CCKBR: variants seen among roughly 807,000 people sequenced by gnomAD.
CCKBR encodes the protein cholecystokinin B receptor, also known as gastrin/cholecystokinin type B receptor.
Under a neutral mutation model 34.6 loss-of-function variants are expected in CCKBR, and 33 were observed. The ratio of observed to expected loss-of-function variants is 0.95; its 90% CI spans 0.72 to 1.27. The LOEUF (loss-of-function observed/expected upper bound fraction) is 1.27, where lower values mean the gene tolerates loss of function less well. CCKBR is among the 50% of genes most tolerant of loss of function. CCKBR has a pLI of 0.00. For synonymous variants in CCKBR, 269 were observed against 267.5 expected (o/e 1.01, Z -0.06); for missense variants, 652 against 617.4 (o/e 1.06, Z -0.59).
intron 1 of CCKBR, among the ~76,000 whole-genome samples, chr11:6,263,843 TG>T (rs1306713217): frequency 1.3e-5 from 2 of 152,218 alleles, no homozygotes; most frequent in Non-Finnish European, 2.9e-5. Context: ...CATACATACT[TG>T]GATATTACTT....
At chr11:6,269,184 G>A (rs1264787270) in intron 1 of CCKBR, among the ~76,000 whole-genome samples, 1 of 141,056 alleles carries the variant, frequency 7.1e-6, no homozygotes, top group Non-Finnish European at 1.5e-5. Context: ...TTTGTTTTTA[G>A]AGAATAAAGA....
chr11:6,259,866 G>T lies in CCKBR; in HGVS notation c.-63G>T. The T allele has an allele frequency of 7.5e-7, 1 of 1,327,188 alleles. No individual in the cohort carries two copies. Among genetic ancestry groups the T allele is most frequent in the South Asian group, 1.8e-5 (1 of 57,110 alleles). The allele number at this position is 1,327,188 out of a possible 1,614,324, so 82.2% of individuals were successfully genotyped here. On this transcript the variant is annotated 5_prime_UTR_variant, in exon 1 of 5. In the 5' UTR this introduces an upstream ATG that the reference lacks. Transcript: ENST00000334619. ...CTGAGCCGGAATCGCAGCGTGAGCA[G>T]GTGGAGCCGCGTTGGGAGCCCGCCG...
At chr11:6,267,690 T>C (rs2133901247) in intron 1 of CCKBR, among the ~76,000 whole-genome samples, 1 of 152,348 alleles carries the variant, frequency 6.6e-6, no homozygotes, top group South Asian at 2.1e-4. Context: ...ATGTACATCA[T>C]TGTATGTGCT....
In CCKBR at chr11:6,270,678, T is replaced by C. The variant is rs1270326305; in HGVS notation, c.686T>C (p.Ile229Thr). 1 of 1,612,286 alleles carries C rather than the reference T, an allele frequency of 6.2e-7. No homozygotes were observed. Among genetic ancestry groups the C allele is most frequent in the Non-Finnish European group, 8.5e-7 (1 of 1,178,456 alleles). ...SVLLLLLLFF[I>T]PGVVMAVAYG... ...CTGCTGCTTCTGCTCTTGTTCTTCA[T>C]CCCGGGTGTGGTTATGGCCGTGGCC... is the stretch of plus-strand genomic sequence containing the variant. The change falls in exon 4 of 5, where the codon ATC (isoleucine) becomes ACC (threonine). Residue 229 changes from isoleucine to threonine, a missense_variant. Transcript: ENST00000334619.
intron 1 of CCKBR, 87 bp downstream of exon 1, chr11:6,260,166 A>G: frequency 1.0e-6 from 1 of 958,110 alleles, no homozygotes; most frequent in Non-Finnish European, 1.5e-6. Flanking sequence ...GCTCCACACT[A>G]CCTTCTCAAA....
At position 6,262,722 on chromosome 11, in the gene CCKBR, G is replaced by GAGAGAGAGAGAGAGAGAA. The variant is rs377114173; in HGVS notation, c.151+2646_151+2647insGAGAGAGAGAGAGAAAGA. ...AGAGAGAGAGAGAGAGAGAGAGAGA[G>GAGAGAGAGAGAGAGAGAA]AGAAAGAAAAGCAGGATATTGCCAA... is the stretch of plus-strand genomic sequence containing the variant. On this transcript the variant is annotated intron_variant, in intron 1 of 4. Transcript: ENST00000334619. Among the ~76,000 whole-genome samples the GAGAGAGAGAGAGAGAGAA allele has an allele frequency of 2.3e-3, 272 of 119,074 alleles. 2 individuals are homozygous for GAGAGAGAGAGAGAGAGAA. Among genetic ancestry groups the GAGAGAGAGAGAGAGAGAA allele is most frequent in the African/African-American group, 7.6e-3 (255 of 33,360 alleles). The allele number at this position is 119,074 out of a possible 152,430, so 78.1% of individuals were successfully genotyped here. A position where few individuals can be genotyped will look rare whatever the true frequency, so the allele number is the denominator to read the frequency against.
In CCKBR at chr11:6,271,382, C is replaced by T. The variant is rs1464401179; in HGVS notation, c.1183C>T (p.Arg395Cys). The T allele has an allele frequency of 1.9e-6, 3 of 1,614,126 alleles. No homozygotes were observed. Among genetic ancestry groups the T allele is most frequent in the Non-Finnish European group, 2.5e-6 (3 of 1,180,036 alleles). ...CCCCCTGGTCTACTGCTTCATGCAC[C>T]GTCGCTTTCGCCAGGCCTGCCTGGA... ...VNPLVYCFMH[R>C]RFRQACLETC... The change falls in exon 5 of 5, where the codon CGT becomes TGT. Residue 395 changes from arginine (R) to cysteine (C), a missense_variant. Coordinates refer to ENST00000334619, the MANE Select transcript of CCKBR (RefSeq NM_176875.4).
At chr11:6,264,203 C>G (rs1355619150) in intron 1 of CCKBR, among the ~76,000 whole-genome samples, 1 of 152,182 alleles carries the variant, frequency 6.6e-6, no homozygotes, top group East Asian at 1.9e-4. Context: ...CATATTACTT[C>G]TGCTCCCTCA....
At chr11:6,269,943 C>A in intron 2 of CCKBR, 23 bp downstream of exon 2, 4 of 1,612,312 alleles carry the variant, frequency 2.5e-6, no homozygotes, top group South Asian at 1.1e-5. Flanking sequence ...ACCACCCCAC[C>A]CCCACTTGCC....
At chr11:6,270,429 G>T in intron 3 of CCKBR, 92 bp downstream of exon 3, 1 of 1,506,944 alleles carries the variant, frequency 6.6e-7, no homozygotes, top group South Asian at 1.3e-5. Flanking sequence ...CAGCTTCCCG[G>T]AGAATTACCA....
chr11:6,261,462 T>TATACAC lies in CCKBR; in HGVS notation c.151+1384_151+1385insTACACA, dbSNP rs764173521. Among the ~76,000 whole-genome samples, 61 of 63,958 alleles carry TATACAC rather than the reference T, an allele frequency of 9.5e-4. 1 individual carries two copies. Among genetic ancestry groups the TATACAC allele is most frequent in the African/African-American group, 2.5e-3 (41 of 16,646 alleles). 42.0% of individuals were successfully genotyped at this position (63,958 alleles called of 152,430 possible). On this transcript the variant is annotated intron_variant, in intron 1 of 4. Transcript: ENST00000334619. Reference sequence around the variant, plus strand: ...AAAAAAAAAAAAAAAAAAATATATATACACACACACACACACACACACACA... The same window carrying TATACAC: ...AAAAAAAAAAAAAAAAAAATATATATATACACACACACACACACACACACACACACA...
intron 1 of CCKBR, among the ~76,000 whole-genome samples, 165 bp from the exon 2 acceptor site, chr11:6,269,504 G>T (rs935835407): frequency 6.6e-6 from 1 of 152,102 alleles, no homozygotes; most frequent in Non-Finnish European, 1.5e-5. Context: ...AACCTCAAGG[G>T]GTTAGAAGGC....
Position 6,271,478 on chromosome 11 carries a change from A to T in CCKBR, c.1279A>T (p.Thr427Ser). ...GGCTCTTCCCGATGAGGACCCTCCC[A>T]CTCCCTCCATTGCTTCGCTGTCCAG... ...PRALPDEDPP[T>S]PSIASLSRLS... The change falls in exon 5 of 5, where the codon ACT (threonine) becomes TCT (serine). Residue 427 changes from threonine (T) to serine (S), a missense_variant. Physicochemically the swap from Thr to Ser is moderately conservative, Grantham distance 58. Coordinates refer to ENST00000334619, the MANE Select transcript of CCKBR (RefSeq NM_176875.4). 1 of 1,611,882 alleles carries T rather than the reference A, an allele frequency of 6.2e-7. No individual in the cohort carries two copies. The highest frequency in any genetic ancestry group is 8.5e-7 in the Non-Finnish European group (1 of 1,179,678).
Position 6,270,131 on chromosome 11 carries a change from A to T in CCKBR, c.447A>T (p.Ala149=). The change falls in exon 3 of 5, where the codon GCA becomes GCT. Residue 149 remains alanine (A), a synonymous_variant. Coordinates refer to ENST00000334619, the MANE Select transcript of CCKBR (RefSeq NM_176875.4). ...SVSTLSLVAI[A]LERYSAICRP... ...CCACGCTAAGCCTCGTGGCCATCGC[A>T]CTGGAGCGGTACAGCGCCATCTGCC... The T allele has an allele frequency of 1.9e-6, 3 of 1,612,616 alleles. No homozygotes were observed. The highest frequency in any genetic ancestry group is 2.5e-6 in the Non-Finnish European group (3 of 1,178,990).
rs200865839 is a variant in CCKBR at position 6,271,051 on chromosome 11, C to A, written c.852C>A (p.Gly284=). Residue 284 remains glycine (G), a synonymous_variant, in exon 5 of 5, where the codon GGC becomes GGA. Transcript: ENST00000334619. ...HQNGRCRPET[G]AVGEDSDGCY... ...ACGGGCGTTGCCGGCCTGAGACTGGCGCGGTTGGCGAAGACAGCGATGGCT... is the reference window on the plus strand; with the variant it reads ...ACGGGCGTTGCCGGCCTGAGACTGGAGCGGTTGGCGAAGACAGCGATGGCT... 1 of 1,614,162 alleles carries A rather than the reference C, an allele frequency of 6.2e-7. No individual in the cohort carries two copies. The highest frequency in any genetic ancestry group is 8.5e-7 in the Non-Finnish European group (1 of 1,180,038).
At chr11:6,268,773 G>T (rs1275237116) in intron 1 of CCKBR, among the ~76,000 whole-genome samples, 1 of 152,224 alleles carries the variant, frequency 6.6e-6, no homozygotes, top group African/African-American at 2.4e-5. Context: ...GGCTGTAATA[G>T]TTGTGTAAGA....
At chr11:6,263,969 G>T (rs936937052) in intron 1 of CCKBR, among the ~76,000 whole-genome samples, 15 of 152,326 alleles carry the variant, frequency 9.8e-5, no homozygotes, top group African/African-American at 3.6e-4. Context: ...TCTACAGAGA[G>T]TTGGATATTA....
chr11:6,270,684 G>T lies in CCKBR; in HGVS notation c.692G>T (p.Gly231Val). The T allele has an allele frequency of 6.2e-7, 1 of 1,612,558 alleles. No homozygotes were observed. Among genetic ancestry groups the T allele is most frequent in the Non-Finnish European group, 8.5e-7 (1 of 1,178,698 alleles). Residue 231 changes from glycine (G) to valine (V), a missense_variant, in exon 4 of 5, where the codon GGT becomes GTT. Transcript: ENST00000334619. The stretch of plus-strand genomic sequence containing the variant: ...CTTCTGCTCTTGTTCTTCATCCCGG[G>T]TGTGGTTATGGCCGTGGCCTACGGG... Reference protein sequence around the residue: ...LLLLLLFFIPGVVMAVAYGLI... With the variant: ...LLLLLLFFIPVVVMAVAYGLI...
At position 6,270,071 on chromosome 11, in the gene CCKBR, T is replaced by G. The variant is rs755430730; in HGVS notation, c.404-17T>G. On this transcript the variant is annotated splice_polypyrimidine_tract_variant and intron_variant, in intron 2 of 4. Transcript: ENST00000334619. ...AAGTTTCCTAGGTGACTCCTTCCTT[T>G]CTCTTCCCTTGTTTAGGGGTGTCTG... 10 of 1,594,644 alleles carry G rather than the reference T, an allele frequency of 6.3e-6. No individual in the cohort carries two copies. Among genetic ancestry groups the G allele is most frequent in the Non-Finnish European group, 8.6e-6 (10 of 1,167,380 alleles).
Sources: allele counts gnomAD v4.1 joint callset (sites outside exome capture counted in the v4.1 genomes callset), GRCh38; gene constraint gnomAD v4.1.1; transcripts MANE v1.5; gene names NCBI Gene and HGNC (gene_info 2026-07-23, HGNC 2026-07-21).